ZNHIT1: variants seen among roughly 807,000 people sequenced by gnomAD.
ZNHIT1 encodes zinc finger HIT domain-containing protein 1.
A neutral mutation model predicts 21.4 loss-of-function variants in ZNHIT1; 20 were observed. That is an observed-to-expected ratio of 0.93 (90% CI 0.66 to 1.36). The LOEUF is 1.36. Ranked by LOEUF, ZNHIT1 falls within the 40% of genes most tolerant of loss-of-function variation. The pLI is 0.00. For synonymous variants in ZNHIT1, 79 were observed against 84.0 expected (o/e 0.94, Z 0.32); for missense variants, 170 against 213.5 (o/e 0.80, Z 1.27).
At position 101,223,466 on chromosome 7, in the gene ZNHIT1, T is replaced by C; in HGVS notation, c.194-11T>C. Reference sequence around the variant, plus strand: ...GCAAGTGCCAAGCAACGGATCACCCTTGACCCCTAGGAAAGAAAAAGAAGA... The same window carrying C: ...GCAAGTGCCAAGCAACGGATCACCCCTGACCCCTAGGAAAGAAAAAGAAGA... On this transcript the variant is annotated splice_polypyrimidine_tract_variant and intron_variant, in intron 2 of 4. Coordinates refer to ENST00000305105, the MANE Select transcript of ZNHIT1 (RefSeq NM_006349.3). 1 of 1,614,108 alleles carries C rather than the reference T, an allele frequency of 6.2e-7. No homozygotes were observed. Among genetic ancestry groups the C allele is most frequent in the Non-Finnish European group, 8.5e-7 (1 of 1,179,970 alleles).
At chr7:101,218,339 TC>T in intron 1 of ZNHIT1, 122 bp downstream of exon 1, 1 of 1,103,896 alleles carries the variant, frequency 9.1e-7, no homozygotes, top group Non-Finnish European at 1.3e-6. Flanking sequence ...AGTGGCATAG[TC>T]ATAGCTCACT....
At chr7:101,218,593 A>C in intron 1 of ZNHIT1, 7 of 238,858 alleles carry the variant, frequency 2.9e-5, no homozygotes, top group Admixed American at 5.3e-5. Context: ...TTCCTCGTAA[A>C]TCCCTTCCTC....
In ZNHIT1 at chr7:101,223,663, GTC is replaced by G. The variant is rs1562899864; in HGVS notation, c.274-6_274-5del. ...GGAGGAGTTCTAGAGCCGGCCCCTT[GTC>G]TCTGCAGAACTTGAGTGTGGCCGAG... On this transcript the variant is annotated splice_polypyrimidine_tract_variant and splice_region_variant and intron_variant, in intron 3 of 4. Transcript: ENST00000305105. 6.2e-7 allele frequency: 1 copy of G among 1,611,208 alleles called. No individual in the cohort carries two copies. The highest frequency in any genetic ancestry group is 1.1e-5 in the South Asian group (1 of 90,936).
At chr7:101,219,152 TG>T (rs1306074569) in intron 1 of ZNHIT1, 3 of 152,136 alleles carry the variant, frequency 2.0e-5, no homozygotes, top group African/African-American at 7.2e-5. Flanking sequence ...TCACCCAGGC[TG>T]GAATGCAGTG....
In ZNHIT1 at chr7:101,218,524, C is replaced by T. The variant is rs555203779; in HGVS notation, c.22+307C>T. 3.5e-5 allele frequency: 14 copies of T among 405,780 alleles called. No homozygotes were observed. The Admixed American group carries it at 4.2e-4, about 12-fold the overall frequency. The allele number at this position is 405,780 out of a possible 1,614,324, so 25.1% of individuals were successfully genotyped here. A position where few individuals can be genotyped will look rare whatever the true frequency, so the allele number is the denominator to read the frequency against. On this transcript the variant is annotated intron_variant, in intron 1 of 4. Coordinates refer to ENST00000305105, the MANE Select transcript of ZNHIT1 (RefSeq NM_006349.3). The stretch of plus-strand genomic sequence containing the variant: ...TCTTGGCCTCAAAGCGATCCTCCTG[C>T]GTGGGCCTTCCAAAGTGCTGGGATT...
In ZNHIT1 at chr7:101,224,069, G is replaced by A. The variant is rs144421957; in HGVS notation, c.*111G>A. ...CTCTTCCTGGACCAAGGGAGGAGCC[G>A]CTCATTCACCCAACAAAACTGTGTC... On this transcript the variant is annotated 3_prime_UTR_variant, in exon 5 of 5. Coordinates refer to ENST00000305105, the MANE Select transcript of ZNHIT1 (RefSeq NM_006349.3). The A allele has an allele frequency of 5.4e-4, 820 of 1,512,648 alleles. 1 individual carries two copies. In the African/African-American group the frequency reaches 9.0e-3, roughly 17 times the overall value. The allele number at this position is 1,512,648 out of a possible 1,614,324, so 93.7% of individuals were successfully genotyped here. A position where few individuals can be genotyped will look rare whatever the true frequency, so the allele number is the denominator to read the frequency against.
intron 1 of ZNHIT1, 131 bp downstream of exon 1, chr7:101,218,348 A>G (rs1309663247): frequency 3.0e-6 from 3 of 992,168 alleles, no homozygotes; most frequent in Non-Finnish European, 4.4e-6. Context: ...GTCATAGCTC[A>G]CTGCAGCCTC....
Position 101,223,857 on chromosome 7 carries a change from T to C in ZNHIT1, c.443+15T>C. ...CAGGAGACCAGGTGAGCATGAGACC[T>C]GCTGTCCACTCCCACTCCCTCCTTC... On this transcript the variant is annotated intron_variant, in intron 4 of 4. Transcript: ENST00000305105. The C allele has an allele frequency of 1.2e-6, 2 of 1,614,078 alleles. No individual in the cohort carries two copies. The highest frequency in any genetic ancestry group is 2.2e-5 in the South Asian group (2 of 91,078).
At chr7:101,220,640 G>A (rs1043664446) in intron 1 of ZNHIT1, 7 of 152,238 alleles carry the variant, frequency 4.6e-5, no homozygotes, top group Admixed American at 1.3e-4. Flanking sequence ...GATAGCTACT[G>A]GGGCTGCTGC....
chr7:101,219,034 G>A (rs1798329692), intron 1 of ZNHIT1: 1 of 152,198 alleles, frequency 6.6e-6, no homozygotes. Flanking sequence ...GCTGGGGAAA[G>A]GTTACATTTT....
At position 101,223,520 on chromosome 7, in the gene ZNHIT1, C is replaced by T; in HGVS notation, c.237C>T (p.Arg79=). 1 of 1,614,220 alleles carries T rather than the reference C, an allele frequency of 6.2e-7. No individual in the cohort carries two copies. Among genetic ancestry groups the T allele is most frequent in the Non-Finnish European group, 8.5e-7 (1 of 1,180,032 alleles). ...CCCGAGGTGATCATTTTAAACTTCG[C>T]TTCCGAAAAAACTTTCAGGCCCTGT... The part of the protein sequence containing the change: ...KKTRGDHFKL[R]FRKNFQALLE... Residue 79 remains arginine (R), a synonymous_variant, in exon 3 of 5, where the codon CGC becomes CGT. Coordinates refer to ENST00000305105, the MANE Select transcript of ZNHIT1 (RefSeq NM_006349.3).
intron 1 of ZNHIT1, 71 bp downstream of exon 1, chr7:101,218,288 T>C: frequency 6.5e-7 from 1 of 1,547,708 alleles, no homozygotes; most frequent in Non-Finnish European, 8.8e-7. Flanking sequence ...ACCTAGTCAT[T>C]CCTCTTTTTT....
chr7:101,219,160 A>C (rs972666832), intron 1 of ZNHIT1: 2 of 152,058 alleles, frequency 1.3e-5, no homozygotes, highest in African/African-American at 4.8e-5. Flanking sequence ...GCTGGAATGC[A>C]GTGGTTCTAT....
intron 2 of ZNHIT1, among the ~76,000 whole-genome samples, chr7:101,223,219 A>G (rs531434441): frequency 6.6e-6 from 1 of 152,216 alleles, no homozygotes; most frequent in East Asian, 1.9e-4. Context: ...TAAAAATACA[A>G]AAACAAAATT....
intron 1 of ZNHIT1, chr7:101,219,531 A>G (rs1343946792): frequency 6.6e-6 from 1 of 151,846 alleles, no homozygotes; most frequent in Non-Finnish European, 1.5e-5. Flanking sequence ...GGTTCACACC[A>G]TTCTCTGGCC....
chr7:101,222,865 C>T, intron 2 of ZNHIT1, 91 bp downstream of exon 2: 3 of 1,501,478 alleles, frequency 2.0e-6, no homozygotes, highest in East Asian at 2.3e-5. Flanking sequence ...CCCAGGAGCT[C>T]CTGGTGCCTC....
At chr7:101,222,857 C>T in intron 2 of ZNHIT1, 83 bp downstream of exon 2, 1 of 1,525,256 alleles carries the variant, frequency 6.6e-7, no homozygotes, top group Non-Finnish European at 8.8e-7. Context: ...TGGGAGGACC[C>T]AGGAGCTCCT....
intron 1 of ZNHIT1, chr7:101,219,772 T>C (rs1232106104): frequency 6.6e-6 from 1 of 152,128 alleles, no homozygotes; most frequent in African/African-American, 2.4e-5. Flanking sequence ...ATCAGTTTTT[T>C]CATGTTGGCC....
In ZNHIT1 at chr7:101,218,215, C is replaced by G. The variant is rs138972607; in HGVS notation, c.20C>G (p.Ser7Trp). 2 of 1,612,836 alleles carry G rather than the reference C, an allele frequency of 1.2e-6. No individual in the cohort carries two copies. Among genetic ancestry groups the G allele is most frequent in the Non-Finnish European group, 8.5e-7 (1 of 1,179,232 alleles). Reference sequence around the variant, plus strand: ...GTGCCAATGGTGGAGAAGAAAACTTCGGGTATGTGAGCCCCCGCGGTTCGC... The same window carrying G: ...GTGCCAATGGTGGAGAAGAAAACTTGGGGTATGTGAGCCCCCGCGGTTCGC... The part of the protein sequence containing the change: MVEKKT[S>W]VRSQDPGQRR... The change falls in exon 1 of 5, where the codon TCG (serine) becomes TGG (tryptophan). Residue 7 changes from serine to tryptophan, a missense_variant and splice_region_variant. Coordinates refer to ENST00000305105, the MANE Select transcript of ZNHIT1 (RefSeq NM_006349.3).
Sources: gnomAD v4.1 joint callset for allele counts (sites outside exome capture counted in the v4.1 genomes callset) on GRCh38, gnomAD v4.1.1 for gene constraint, MANE v1.5 for transcripts, NCBI Gene and HGNC (gene_info 2026-07-23, HGNC 2026-07-21) for gene names.